PTPRM: variants seen among roughly 807,000 people sequenced by gnomAD.
The protein encoded by PTPRM is protein tyrosine phosphatase receptor type M.
PTPRM carries 47 observed loss-of-function variants against 186.7 expected under a neutral mutation model. That is an observed-to-expected ratio of 0.25 (90% CI 0.20 to 0.32). The LOEUF (loss-of-function observed/expected upper bound fraction) is 0.32. Ranked by LOEUF, PTPRM falls within the 10% of genes least tolerant of loss-of-function variation. The pLI is 1.00. For synonymous variants in PTPRM, 668 were observed against 674.9 expected, an observed-to-expected ratio of 0.99 and a Z score of 0.16; for missense variants, 1,494 against 1,865.0, an observed-to-expected ratio of 0.80 and a Z score of 3.66.
chr18:8,104,036 C>A (rs1213874600), intron 11 of PTPRM, among the ~76,000 whole-genome samples: 1 of 152,142 alleles, frequency 6.6e-6, no homozygotes, highest in African/African-American at 2.4e-5. Context: ...AAAACAATTA[C>A]AAGAGTAACA....
At chr18:8,160,115 TA>T (rs2093201412) in intron 14 of PTPRM, among the ~76,000 whole-genome samples, 1 of 152,312 alleles carries the variant, frequency 6.6e-6, no homozygotes, top group East Asian at 1.9e-4. Context: ...AACGATCATT[TA>T]TTTTTAAGCC....
chr18:8,125,544 A>C (rs1662546966), intron 13 of PTPRM, among the ~76,000 whole-genome samples: 1 of 152,124 alleles, frequency 6.6e-6, no homozygotes, highest in Non-Finnish European at 1.5e-5. Context: ...CATTTTTTTA[A>C]AAAAAATTCT....
chr18:8,271,285 T>C (rs1171082973), intron 19 of PTPRM, among the ~76,000 whole-genome samples: 2 of 151,774 alleles, frequency 1.3e-5, no homozygotes, highest in Non-Finnish European at 2.9e-5. Context: ...CTTTGGTATG[T>C]TAACATAGAA....
At chr18:7,760,697 C>T (rs2041729665) in intron 1 of PTPRM, among the ~76,000 whole-genome samples, 1 of 152,158 alleles carries the variant, frequency 6.6e-6, no homozygotes, top group Admixed American at 6.5e-5. Flanking sequence ...AGATACATAG[C>T]ATAATGTATG....
chr18:7,994,667 A>G (rs1425485318), intron 7 of PTPRM, among the ~76,000 whole-genome samples: 1 of 152,204 alleles, frequency 6.6e-6, no homozygotes, highest in East Asian at 1.9e-4. Flanking sequence ...AATCAGTAGC[A>G]AGAGAAATGT....
chr18:8,393,906 A>G (rs2095831631), intron 31 of PTPRM, among the ~76,000 whole-genome samples: 1 of 152,250 alleles, frequency 6.6e-6, no homozygotes, highest in South Asian at 2.1e-4. Flanking sequence ...CTCCTGCCTC[A>G]GCCTCCCGAG....
intron 7 of PTPRM, among the ~76,000 whole-genome samples, chr18:8,022,987 G>A (rs1277509955): frequency 1.3e-5 from 2 of 152,142 alleles, no homozygotes; most frequent in Non-Finnish European, 2.9e-5. Context: ...TCATCAATCT[G>A]ATGTAGAAAC....
chr18:8,348,516 C>T (rs911585676), intron 23 of PTPRM, among the ~76,000 whole-genome samples: 3 of 152,366 alleles, frequency 2.0e-5, no homozygotes, highest in African/African-American at 7.2e-5. Context: ...ACCGGCTGCA[C>T]ACCTGGCATT....
intron 1 of PTPRM, among the ~76,000 whole-genome samples, chr18:7,665,142 T>G (rs2039067494): frequency 6.6e-6 from 1 of 152,218 alleles, no homozygotes; most frequent in Non-Finnish European, 1.5e-5. Context: ...AATTTGCTAT[T>G]GAAGGTGACC....
chr18:8,354,510 G>A (rs2095553336), intron 23 of PTPRM, among the ~76,000 whole-genome samples: 1 of 152,208 alleles, frequency 6.6e-6, no homozygotes, highest in South Asian at 2.1e-4. Context: ...CAGAGAGCAA[G>A]GTAGAGAGAA....
intron 21 of PTPRM, among the ~76,000 whole-genome samples, chr18:8,315,256 T>G (rs1278123849): frequency 1.3e-5 from 2 of 152,228 alleles, no homozygotes; most frequent in East Asian, 1.9e-4. Flanking sequence ...TTAAAAAATT[T>G]GTTTGCATAT....
chr18:8,372,452 A>G (rs2095669210), intron 24 of PTPRM, among the ~76,000 whole-genome samples: 1 of 152,186 alleles, frequency 6.6e-6, no homozygotes, highest in African/African-American at 2.4e-5. Flanking sequence ...GGAAATTGCA[A>G]CATCTGCTTA....
intron 7 of PTPRM, among the ~76,000 whole-genome samples, chr18:7,984,719 G>A (rs1171873755): frequency 2.3e-5 from 3 of 128,582 alleles, no homozygotes; most frequent in African/African-American, 5.9e-5. Flanking sequence ...TAAATATATG[G>A]GGTAAATATA....
chr18:8,063,877 C>G (rs1038584489), intron 7 of PTPRM, among the ~76,000 whole-genome samples: 2 of 152,154 alleles, frequency 1.3e-5, no homozygotes, highest in African/African-American at 2.4e-5. Context: ...ACTAGCCAAA[C>G]CAAGAACTAA....
intron 1 of PTPRM, among the ~76,000 whole-genome samples, chr18:7,697,590 G>T (rs1290096983): frequency 6.6e-6 from 1 of 152,348 alleles, no homozygotes; most frequent in South Asian, 2.1e-4. Context: ...TTCCTTAGAA[G>T]ACATCTCAAT....
chr18:8,040,387 T>C (rs777718291), intron 7 of PTPRM, among the ~76,000 whole-genome samples: 8 of 152,254 alleles, frequency 5.3e-5, no homozygotes, highest in South Asian at 2.1e-4. Flanking sequence ...TAAGGTTGCA[T>C]TGGGCTCATG....
Position 8,262,784 on chromosome 18 carries a change from GACAA to G in PTPRM, c.2754+9375_2754+9378del, listed in dbSNP as rs764515277. On this transcript the variant is annotated intron_variant, in intron 19 of 32. Coordinates refer to ENST00000580170, the MANE Select transcript of PTPRM (RefSeq NM_001105244.2). The stretch of plus-strand genomic sequence containing the variant: ...TAATTGATTTATTCAGTACGTATTT[GACAA>G]ACAATACTGAATATGTGCTGAATTG... Among the ~76,000 whole-genome samples the G allele has an allele frequency of 9.0e-4, 137 of 152,256 alleles. 1 individual carries two copies. The Middle Eastern group carries it at 0.01, about 11-fold the overall frequency.
At chr18:7,664,067 G>A (rs146251658) in intron 1 of PTPRM, among the ~76,000 whole-genome samples, 158 of 152,336 alleles carry the variant, frequency 1.0e-3, no homozygotes, top group African/African-American at 3.5e-3. Flanking sequence ...AAGGGTAAGG[G>A]CTTACTCATA....
At chr18:8,319,754 G>A (rs1428327001) in intron 22 of PTPRM, among the ~76,000 whole-genome samples, 2 of 152,200 alleles carry the variant, frequency 1.3e-5, no homozygotes, top group African/African-American at 4.8e-5. Context: ...CTCAAAAACC[G>A]TTTTGTGGCA....
Sources: gnomAD v4.1 joint callset for allele counts (sites outside exome capture counted in the v4.1 genomes callset) on GRCh38, gnomAD v4.1.1 for gene constraint, MANE v1.5 for transcripts, NCBI Gene and HGNC (gene_info 2026-07-23, HGNC 2026-07-21) for gene names.